The following COL22A1 variants were observed in gnomAD, a reference collection of about 807,000 sequenced individuals.
The protein encoded by COL22A1 is collagen alpha-1(XXII) chain.
Under a neutral mutation model 248.9 loss-of-function variants are expected in COL22A1, and 221 were observed. That is an observed-to-expected ratio of 0.89 (90% confidence interval 0.80 to 0.99). COL22A1 has a LOEUF of 0.99. Among genes scored for constraint, COL22A1 ranks in the 50% least tolerant of loss-of-function variants. The pLI, the probability that COL22A1 is intolerant of heterozygous loss-of-function variation, is 0.00. For synonymous variants in COL22A1, 891 were observed against 793.4 expected (o/e 1.12, Z -2.07); for missense variants, 2,240 against 2,179.0 (o/e 1.03, Z -0.56).
chr8:138,647,818 A>G lies in COL22A1; in HGVS notation c.3448-1136T>C, dbSNP rs544501300. ...TACAAGCCTCATTCCCAGTGATTTGATGCAAAGCAACTGTGGTAGAAAGGT... is the reference window on the plus strand; with the variant it reads ...TACAAGCCTCATTCCCAGTGATTTGGTGCAAAGCAACTGTGGTAGAAAGGT... On this transcript the variant is annotated intron_variant, in intron 46 of 64. Transcript: ENST00000303045. 6.6e-5 allele frequency among the ~76,000 whole-genome samples: 10 copies of G among 152,288 alleles called. No individual in the cohort carries two copies. The South Asian group carries it at 2.1e-3, about 32-fold the overall frequency.
chr8:138,694,776 G>C (rs62527938), intron 33 of COL22A1, 50 bp downstream of exon 33: 5 of 1,594,496 alleles, frequency 3.1e-6, no homozygotes, highest in Admixed American at 1.7e-5. Context: ...TTTGGAGTCC[G>C]GGTCTCCAGG....
chr8:138,665,615 C>T (rs1824436310), intron 41 of COL22A1, among the ~76,000 whole-genome samples: 1 of 152,184 alleles, frequency 6.6e-6, no homozygotes, highest in Non-Finnish European at 1.5e-5. Context: ...CCCCTAGGAG[C>T]ATACAGAGCA....
At chr8:138,821,469 G>T in intron 6 of COL22A1, 58 bp from the exon 7 acceptor site, 1 of 1,548,928 alleles carries the variant, frequency 6.5e-7, no homozygotes, top group Non-Finnish European at 8.8e-7. Flanking sequence ...GAAAAGGAGA[G>T]AATGGGAAAC....
intron 25 of COL22A1, among the ~76,000 whole-genome samples, chr8:138,724,226 G>A (rs957544331): frequency 3.3e-5 from 5 of 152,196 alleles, no homozygotes; most frequent in Non-Finnish European, 4.4e-5. Context: ...GATCAGGATC[G>A]TAATGGGAAG....
At chr8:138,596,375 G>A (rs931960458) in intron 62 of COL22A1, among the ~76,000 whole-genome samples, 2 of 152,138 alleles carry the variant, frequency 1.3e-5, no homozygotes, top group Non-Finnish European at 2.9e-5. Context: ...CTTTCAACTT[G>A]TAGCTCACAT....
chr8:138,890,418 G>A (rs984447379), intron 1 of COL22A1, among the ~76,000 whole-genome samples: 1 of 152,142 alleles, frequency 6.6e-6, no homozygotes. Flanking sequence ...ACTTGAAAAG[G>A]AAGAGGTAAA....
At chr8:138,720,590 C>T (rs1829796697) in intron 27 of COL22A1, 149 bp downstream of exon 27, 1 of 711,382 alleles carries the variant, frequency 1.4e-6, no homozygotes, top group East Asian at 2.6e-5. Context: ...GAGCCCTTAA[C>T]CCTGCCCCTT....
intron 42 of COL22A1, 93 bp downstream of exon 42, chr8:138,663,612 C>T: frequency 2.1e-6 from 2 of 939,842 alleles, no homozygotes; most frequent in Non-Finnish European, 3.5e-6. Flanking sequence ...TCAGAATCTA[C>T]TTCAGTTTTT....
At chr8:138,765,733 T>C (rs1833862172) in intron 16 of COL22A1, among the ~76,000 whole-genome samples, 1 of 152,206 alleles carries the variant, frequency 6.6e-6, no homozygotes, top group Non-Finnish European at 1.5e-5. Flanking sequence ...AAGCTGTCTG[T>C]CTTGCAGACG....
chr8:138,690,888 G>T lies in COL22A1; in HGVS notation c.2755-14C>A. 1 of 1,603,384 alleles carries T rather than the reference G, an allele frequency of 6.2e-7. No individual in the cohort carries two copies. Among genetic ancestry groups the T allele is most frequent in the Middle Eastern group, 1.7e-4 (1 of 6,022 alleles). ...TCCGGGAGCACCCTGTTCAGAGACA[G>T]AAGTTTAGAAAGGCCAAACGCATTG... On this transcript the variant is annotated splice_polypyrimidine_tract_variant and intron_variant, in intron 35 of 64. Transcript: ENST00000303045.
At chr8:138,755,082 A>G (rs1055029729) in intron 21 of COL22A1, 75 bp downstream of exon 21, 2 of 1,433,056 alleles carry the variant, frequency 1.4e-6, no homozygotes, top group Non-Finnish European at 2.0e-6. Flanking sequence ...AGCGCCGGGA[A>G]TGACTCTGAT....
At chr8:138,751,432 T>C in intron 22 of COL22A1, 26 bp downstream of exon 22, 2 of 1,580,796 alleles carry the variant, frequency 1.3e-6, no homozygotes, top group Non-Finnish European at 1.7e-6. Context: ...AGCTGAGGAA[T>C]CACAAAGAAA....
chr8:138,650,595 C>A (rs1822623780), intron 45 of COL22A1, among the ~76,000 whole-genome samples: 1 of 152,112 alleles, frequency 6.6e-6, no homozygotes, highest in Non-Finnish European at 1.5e-5. Context: ...CCCTCTCATC[C>A]ACCCTGCCTC....
chr8:138,871,736 C>T (rs62528815), intron 3 of COL22A1, among the ~76,000 whole-genome samples: 16,178 of 152,118 alleles, frequency 0.11, 967 homozygotes, highest in Middle Eastern at 0.15. Flanking sequence ...TAAAAGCATC[C>T]GCTGTTGTGA....
chr8:138,773,910 G>A (rs1293118220), intron 16 of COL22A1, among the ~76,000 whole-genome samples: 1 of 152,188 alleles, frequency 6.6e-6, no homozygotes, highest in Non-Finnish European at 1.5e-5. Flanking sequence ...CCCTGCTGCG[G>A]GGCAGTTCCT....
In COL22A1 at chr8:138,712,904, G is replaced by A. The variant is rs751674733; in HGVS notation, c.2517+2778C>T. Among the ~76,000 whole-genome samples the A allele has an allele frequency of 3.3e-5, 5 of 151,994 alleles. No homozygotes were observed. In the South Asian group the frequency reaches 1.0e-3, roughly 32 times the overall value. ...GAGAGTGAGGGTTCTACCAGCAGAG[G>A]GTACATGTTCTATCAGCAGAGGGTA... On this transcript the variant is annotated intron_variant, in intron 30 of 64. Transcript: ENST00000303045.
chr8:138,619,573 C>T, intron 52 of COL22A1, 65 bp from the exon 53 acceptor site: 1 of 1,481,246 alleles, frequency 6.8e-7, no homozygotes, highest in Non-Finnish European at 9.4e-7. Flanking sequence ...ATTCCTGGCT[C>T]TCTGTGTTTC....
chr8:138,706,620 T>C (rs958168301), intron 30 of COL22A1, among the ~76,000 whole-genome samples: 1 of 152,198 alleles, frequency 6.6e-6, no homozygotes, highest in African/African-American at 2.4e-5. Flanking sequence ...CCAGAATCTC[T>C]GGGACACATT....
chr8:138,624,778 A>G (rs1587702806), intron 51 of COL22A1, among the ~76,000 whole-genome samples: 1 of 152,302 alleles, frequency 6.6e-6, no homozygotes. Context: ...AGTTACAGAC[A>G]GGACTGTCAG....
Sources: gnomAD v4.1 joint callset for allele counts (sites outside exome capture counted in the v4.1 genomes callset) on GRCh38, gnomAD v4.1.1 for gene constraint, MANE v1.5 for transcripts, NCBI Gene and HGNC (gene_info 2026-07-23, HGNC 2026-07-21) for gene names.